The following EYA2 variants were observed in gnomAD, a reference collection of about 807,000 sequenced individuals.
The protein encoded by EYA2 is protein phosphatase EYA2.
A neutral mutation model predicts 69.2 loss-of-function variants in EYA2; 31 were observed. That is an observed-to-expected ratio of 0.45 (90% CI 0.34 to 0.60). The LOEUF is 0.60. Among genes scored for constraint, EYA2 ranks in the 20% least tolerant of loss-of-function variants. The pLI is 0.02. For missense variants in EYA2, 622 were observed against 701.2 expected, an observed-to-expected ratio of 0.89 and a Z score of 1.28; for synonymous variants, 257 against 279.4, an observed-to-expected ratio of 0.92 and a Z score of 0.80.
Position 47,005,029 on chromosome 20 carries a change from T to C in EYA2, c.243T>C (p.Ala81=). The C allele has an allele frequency of 6.2e-7, 1 of 1,613,988 alleles. No individual in the cohort carries two copies. The highest frequency in any genetic ancestry group is 8.5e-7 in the Non-Finnish European group (1 of 1,179,924). ...AGTACAGTGCGGGGATCCAGCAGGCTACCCCCTATACAGCTTACCCACCTC... is the reference window on the plus strand; with the variant it reads ...AGTACAGTGCGGGGATCCAGCAGGCCACCCCCTATACAGCTTACCCACCTC... ...QTQYSAGIQQ[A]TPYTAYPPPA... The change falls in exon 4 of 16, where the codon GCT becomes GCC. Residue 81 remains alanine, a synonymous_variant. Transcript: ENST00000327619.
chr20:47,183,245 G>A (rs767282313), intron 14 of EYA2, 46 bp from the exon 15 acceptor site: 45 of 1,582,804 alleles, frequency 2.8e-5, no homozygotes, highest in Non-Finnish European at 3.6e-5. Flanking sequence ...GCTGCAATCC[G>A]GGGTCCTCAC....
At chr20:47,154,797 TTTTG>T (rs1221328322) in intron 10 of EYA2, among the ~76,000 whole-genome samples, 2 of 148,642 alleles carry the variant, frequency 1.3e-5, no homozygotes, top group African/African-American at 5.0e-5. Flanking sequence ...GTTTTTCTGA[TTTTG>T]TTTTTGTTTA....
intron 10 of EYA2, among the ~76,000 whole-genome samples, chr20:47,156,023 TATATATATACATACACACACACACACAC>T: frequency 2.3e-5 from 3 of 132,406 alleles, no homozygotes; most frequent in Non-Finnish European, 3.1e-5. Context: ...CTTAAATATA[TATATATATACATACACACACACACACAC>T]ATATATATAC....
intron 5 of EYA2, among the ~76,000 whole-genome samples, chr20:47,025,839 T>C (rs1361790680): frequency 6.6e-6 from 1 of 152,216 alleles, no homozygotes; most frequent in African/African-American, 2.4e-5. Flanking sequence ...CAGTGTCATC[T>C]TACGGTTGAA....
intron 5 of EYA2, among the ~76,000 whole-genome samples, chr20:47,048,696 C>T (rs901256897): frequency 1.5e-4 from 23 of 152,284 alleles, no homozygotes; most frequent in African/African-American, 5.5e-4. Context: ...AAGATCACGC[C>T]ATTGCATGCC....
chr20:46,963,206 A>G (rs891530488), intron 1 of EYA2, among the ~76,000 whole-genome samples: 2 of 152,124 alleles, frequency 1.3e-5, no homozygotes, highest in African/African-American at 2.4e-5. Context: ...TCTCCCAAAT[A>G]AACTGCTTGC....
intron 1 of EYA2, among the ~76,000 whole-genome samples, chr20:46,985,909 T>C (rs190386971): frequency 1.3e-5 from 2 of 152,354 alleles, no homozygotes; most frequent in Non-Finnish European, 2.9e-5. Context: ...ATTTGGTCAG[T>C]TGGCTAACAA....
chr20:46,904,396 A>T (rs1984256847), intron 1 of EYA2, among the ~76,000 whole-genome samples: 1 of 152,162 alleles, frequency 6.6e-6, no homozygotes, highest in African/African-American at 2.4e-5. Flanking sequence ...AAACAGATTT[A>T]AAATAATATT....
At chr20:47,096,087 T>A (rs1374079754) in intron 8 of EYA2, 1 of 152,136 alleles carries the variant, frequency 6.6e-6, no homozygotes, top group African/African-American at 2.4e-5. Context: ...AAAAGTTACA[T>A]CAGACAGGTA....
chr20:46,960,435 T>C (rs1011598994), intron 1 of EYA2, among the ~76,000 whole-genome samples: 2 of 152,116 alleles, frequency 1.3e-5, no homozygotes, highest in Non-Finnish European at 2.9e-5. Context: ...GGGCTTTACA[T>C]GAATTGATTT....
intron 1 of EYA2, among the ~76,000 whole-genome samples, chr20:46,927,396 C>T (rs950865993): frequency 1.3e-5 from 2 of 152,202 alleles, no homozygotes; most frequent in African/African-American, 4.8e-5. Context: ...GCTGAGTTCA[C>T]AGCATGGCTG....
At chr20:47,164,596 A>G (rs1003281865) in intron 10 of EYA2, among the ~76,000 whole-genome samples, 1 of 152,052 alleles carries the variant, frequency 6.6e-6, no homozygotes, top group East Asian at 1.9e-4. Flanking sequence ...TTTCCTTAAC[A>G]TGTCAGGATT....
chr20:47,023,962 C>G (rs531832895), intron 5 of EYA2, among the ~76,000 whole-genome samples: 1 of 152,164 alleles, frequency 6.6e-6, no homozygotes, highest in Non-Finnish European at 1.5e-5. Context: ...ACTTCCATGT[C>G]TCTACTTAAC....
At chr20:47,131,441 A>G (rs544759683) in intron 9 of EYA2, among the ~76,000 whole-genome samples, 3 of 152,336 alleles carry the variant, frequency 2.0e-5, no homozygotes, top group South Asian at 2.1e-4. Context: ...GCATTTGGCA[A>G]TTTTATAATT....
At chr20:47,071,967 T>TGCTG in intron 5 of EYA2, 1 of 580,484 alleles carries the variant, frequency 1.7e-6, no homozygotes. Flanking sequence ...GCCGTGGTGA[T>TGCTG]GCTGGTGGTA....
In EYA2 at chr20:47,187,149, G is replaced by A. The variant is rs573132197; in HGVS notation, c.1537-904G>A. Among the ~76,000 whole-genome samples, 5 of 152,190 alleles carry A rather than the reference G, an allele frequency of 3.3e-5. No homozygotes were observed. In the South Asian group the frequency reaches 6.2e-4, roughly 19 times the overall value. ...TTTGGGAGGCTGAGGTGGGTGGATC[G>A]CTTGAGCCCAGTAGTTTGAGACCAG... On this transcript the variant is annotated intron_variant, in intron 15 of 15. Coordinates refer to ENST00000327619, the MANE Select transcript of EYA2 (RefSeq NM_005244.5).
intron 12 of EYA2, among the ~76,000 whole-genome samples, chr20:47,173,806 C>G (rs2034377464): frequency 6.6e-6 from 1 of 152,270 alleles, no homozygotes; most frequent in Admixed American, 6.5e-5. Flanking sequence ...GGTTCTCACA[C>G]GTGGCTCTCA....
intron 5 of EYA2, among the ~76,000 whole-genome samples, chr20:47,029,468 G>A (rs1447340573): frequency 1.3e-5 from 2 of 152,206 alleles, no homozygotes; most frequent in Admixed American, 6.5e-5. Flanking sequence ...ACCAGTGGGT[G>A]GCCAATTTGG....
intron 5 of EYA2, among the ~76,000 whole-genome samples, chr20:47,060,524 G>A (rs925799082): frequency 3.3e-5 from 5 of 152,244 alleles, no homozygotes; most frequent in African/African-American, 1.2e-4. Context: ...GGGAGGCCAG[G>A]AATGCAAGAC....
Sources: gnomAD v4.1 joint callset for allele counts (sites outside exome capture counted in the v4.1 genomes callset) on GRCh38, gnomAD v4.1.1 for gene constraint, MANE v1.5 for transcripts, NCBI Gene and HGNC (gene_info 2026-07-23, HGNC 2026-07-21) for gene names.